Variants in DNA2 observed in about 807,000 individuals in gnomAD.
The protein encoded by DNA2 is DNA replication helicase/nuclease 2.
Under a neutral mutation model 119.1 loss-of-function variants are expected in DNA2, and 101 were observed. The ratio of observed to expected loss-of-function variants is 0.85; its 90% CI spans 0.72 to 1.00. The LOEUF (loss-of-function observed/expected upper bound fraction) is 1.00, where lower values mean the gene tolerates loss of function less well. Ranked by LOEUF, DNA2 falls within the 50% of genes least tolerant of loss-of-function variation. The pLI, the probability that DNA2 is intolerant of heterozygous loss-of-function variation, is 0.00. For missense variants in DNA2, 1,121 were observed against 1,255.5 expected (o/e 0.89, Z 1.62); for synonymous variants, 366 against 424.4 (o/e 0.86, Z 1.69).
chr10:68,462,738 C>T (rs2052275536), intron 4 of DNA2, among the ~76,000 whole-genome samples: 1 of 152,172 alleles, frequency 6.6e-6, no homozygotes, highest in African/African-American at 2.4e-5. Flanking sequence ...AAGCCTGTTT[C>T]CTCATCTGTA....
rs199878321 is a variant in DNA2 at position 68,450,247 on chromosome 10, C to T, written c.720G>A (p.Leu240=). 1.4e-5 allele frequency: 21 copies of T among 1,553,844 alleles called. No individual in the cohort carries two copies. Among genetic ancestry groups the T allele is most frequent in the Non-Finnish European group, 1.6e-5 (18 of 1,149,596 alleles). ...AATTATCCTTACTATTATCACTTGG[C>T]CTGAAAAAAAAAAAAGCACAAAAAC... The part of the protein sequence containing the change: ...STDFPQMQLS[L]PSDNSKDNST... Residue 240 remains leucine, a splice_region_variant and synonymous_variant, in exon 6 of 21, where the codon CTG becomes CTA. Coordinates refer to ENST00000358410, the MANE Select transcript of DNA2 (RefSeq NM_001080449.3).
chr10:68,422,978 G>A, intron 14 of DNA2, 88 bp from the exon 15 acceptor site: 1 of 1,007,576 alleles, frequency 9.9e-7, no homozygotes, highest in Non-Finnish European at 1.4e-6. Context: ...AAGATCAAAA[G>A]GTTTTTGTTC....
chr10:68,437,260 G>C lies in DNA2; in HGVS notation c.1416-19C>G, dbSNP rs1564884660. On this transcript the variant is annotated intron_variant, in intron 9 of 20. Transcript: ENST00000358410. ...CTTCTCCCTATGAAAAGACCAAAGAGAAAAAAACTTCTGTTTATATTACAT... is the reference window on the plus strand; with the variant it reads ...CTTCTCCCTATGAAAAGACCAAAGACAAAAAAACTTCTGTTTATATTACAT... The C allele has an allele frequency of 3.2e-6, 5 of 1,565,940 alleles. No individual in the cohort carries two copies. The South Asian group carries it at 4.7e-5, about 15-fold the overall frequency.
chr10:68,431,576 C>T (rs1185402553), intron 13 of DNA2, among the ~76,000 whole-genome samples: 2 of 152,202 alleles, frequency 1.3e-5, no homozygotes, highest in African/African-American at 2.4e-5. Context: ...TAAGCCACAA[C>T]GCCCGGCCTC....
At chr10:68,443,454 G>GT (rs1347890370) in intron 8 of DNA2, among the ~76,000 whole-genome samples, 11 of 152,130 alleles carry the variant, frequency 7.2e-5, no homozygotes, top group Non-Finnish European at 1.5e-4. Context: ...GCTCAGTGAC[G>GT]TAAGTACACA....
chr10:68,471,960 C>T lies in DNA2; in HGVS notation c.-96G>A. On this transcript the variant is annotated 5_prime_UTR_variant, in exon 1 of 21. Transcript: ENST00000358410. ...AAAGGGAAAAAGGCGCGAGCCTGCG[C>T]ACCTCGCGCGCATGCGCCAACCCGC... 1 of 1,612,588 alleles carries T rather than the reference C, an allele frequency of 6.2e-7. No individual in the cohort carries two copies. The highest frequency in any genetic ancestry group is 8.5e-7 in the Non-Finnish European group (1 of 1,178,936).
intron 14 of DNA2, among the ~76,000 whole-genome samples, chr10:68,429,652 C>G (rs1469670969): frequency 1.7e-5 from 2 of 120,308 alleles, no homozygotes; most frequent in African/African-American, 3.2e-5. Flanking sequence ...GCGAAGCTTG[C>G]AGTGAGCCAG....
chr10:68,470,289 G>C (rs2052370214), intron 1 of DNA2, 126 bp from the exon 2 acceptor site: 1 of 773,580 alleles, frequency 1.3e-6, no homozygotes, highest in Non-Finnish European at 1.9e-6. Context: ...TTATTGCAAT[G>C]ACATTTAGAC....
At chr10:68,437,830 T>A (rs546412121) in intron 9 of DNA2, among the ~76,000 whole-genome samples, 1 of 151,892 alleles carries the variant, frequency 6.6e-6, no homozygotes, top group Non-Finnish European at 1.5e-5. Flanking sequence ...CATGCCTCAG[T>A]CTCCTGAGTA....
At chr10:68,438,494 A>G (rs4745961) in intron 9 of DNA2, among the ~76,000 whole-genome samples, 43,264 of 147,878 alleles carry the variant, frequency 0.29, 7,556 homozygotes, top group African/African-American at 0.48. Context: ...ACTCCAGCCT[A>G]GGCAACAAGA....
chr10:68,426,095 C>T (rs1463573246), intron 14 of DNA2, among the ~76,000 whole-genome samples: 1 of 151,990 alleles, frequency 6.6e-6, no homozygotes, highest in African/African-American at 2.4e-5. Flanking sequence ...AAGATCGGGC[C>T]ATTGCACTCC....
At position 68,436,994 on chromosome 10, in the gene DNA2, A is replaced by G; in HGVS notation, c.1646+17T>C. On this transcript the variant is annotated intron_variant, in intron 10 of 20. Transcript: ENST00000358410. The stretch of plus-strand genomic sequence containing the variant: ...ATATCAATAAAGCTGTTATCAAAAA[A>G]AGTAACATTTCATTACCTGTCTAAT... 6.4e-7 allele frequency: 1 copy of G among 1,573,718 alleles called. No individual in the cohort carries two copies. The highest frequency in any genetic ancestry group is 8.7e-7 in the Non-Finnish European group (1 of 1,150,678).
intron 3 of DNA2, among the ~76,000 whole-genome samples, chr10:68,467,516 C>T (rs1220211832): frequency 2.6e-5 from 4 of 151,946 alleles, no homozygotes; most frequent in Non-Finnish European, 5.9e-5. Context: ...TTATTACAAT[C>T]ATCTCTTTGT....
chr10:68,430,829 T>C (rs2051810835), intron 13 of DNA2, among the ~76,000 whole-genome samples, 169 bp from the exon 14 acceptor site: 1 of 152,120 alleles, frequency 6.6e-6, no homozygotes, highest in Non-Finnish European at 1.5e-5. Flanking sequence ...ACGTTATTAA[T>C]AATATGTCAA....
At chr10:68,465,032 T>G (rs1365694255) in intron 4 of DNA2, among the ~76,000 whole-genome samples, 1 of 150,492 alleles carries the variant, frequency 6.6e-6, no homozygotes, top group African/African-American at 2.4e-5. Context: ...TTTTTTTTTT[T>G]TTTTGAGATG....
In DNA2 at chr10:68,438,122, T is replaced by C. The variant is rs187259205; in HGVS notation, c.1416-881A>G. On this transcript the variant is annotated intron_variant, in intron 9 of 20. Transcript: ENST00000358410. The stretch of plus-strand genomic sequence containing the variant: ...GGGATCTCCAAAAATGGTGTTTTAT[T>C]GGCACTTTGATCCCTGAGGGGTAGA... 3.2e-3 allele frequency among the ~76,000 whole-genome samples: 491 copies of C among 152,314 alleles called. 3 individuals are homozygous for C. Among genetic ancestry groups the C allele is most frequent in the African/African-American group, 0.011 (468 of 41,572 alleles).
intron 7 of DNA2, among the ~76,000 whole-genome samples, chr10:68,445,722 G>A (rs1424423435): frequency 6.6e-6 from 1 of 152,062 alleles, no homozygotes; most frequent in Non-Finnish European, 1.5e-5. Flanking sequence ...CAGCTATCTA[G>A]AATATCTTTA....
chr10:68,437,627 A>G (rs537580720), intron 9 of DNA2, among the ~76,000 whole-genome samples: 1 of 150,680 alleles, frequency 6.6e-6, no homozygotes, highest in Non-Finnish European at 1.5e-5. Flanking sequence ...AACAACCTGG[A>G]CAACAAGAGC....
chr10:68,434,797 T>C (rs2051866791), intron 10 of DNA2, among the ~76,000 whole-genome samples: 1 of 152,200 alleles, frequency 6.6e-6, no homozygotes, highest in Non-Finnish European at 1.5e-5. Context: ...TGGATCACCA[T>C]CCCATGTCAT....
Sources: gnomAD v4.1 joint callset for allele counts (sites outside exome capture counted in the v4.1 genomes callset) on GRCh38, gnomAD v4.1.1 for gene constraint, MANE v1.5 for transcripts, NCBI Gene and HGNC (gene_info 2026-07-23, HGNC 2026-07-21) for gene names.